The following RGS7 variants were observed in gnomAD, a reference collection of about 807,000 sequenced individuals.
RGS7 encodes regulator of G protein signaling 7.
In RGS7, 27 loss-of-function variants were observed where a neutral mutation model predicts 81.1. That is an observed-to-expected ratio of 0.33 (90% CI 0.25 to 0.46). The LOEUF is 0.46. Ranked by LOEUF, RGS7 falls within the 20% of genes least tolerant of loss-of-function variation. The pLI is 1.00. For missense variants in RGS7, 396 were observed against 607.4 expected, an observed-to-expected ratio of 0.65 and a Z score of 3.66; for synonymous variants, 208 against 207.7, an observed-to-expected ratio of 1.00 and a Z score of -0.01.
At chr1:241,273,807 G>A (rs1216028911) in intron 2 of RGS7, among the ~76,000 whole-genome samples, 1 of 152,142 alleles carries the variant, frequency 6.6e-6, no homozygotes, top group Non-Finnish European at 1.5e-5. Flanking sequence ...TCATATCTCA[G>A]GGTAAATTAG....
chr1:241,180,938 T>C (rs1278922124), intron 2 of RGS7, among the ~76,000 whole-genome samples: 1 of 152,220 alleles, frequency 6.6e-6, no homozygotes, highest in South Asian at 2.1e-4. Context: ...TGTTAGTAAG[T>C]GAAGGAAGCC....
Position 241,207,851 on chromosome 1 carries a change from C to T in RGS7, c.79-109089G>A, listed in dbSNP as rs548444377. ...TGGCTCAATGCTCAAGATTAAAATG[C>T]AGGCTGACACTTTCTGCTTTACTTG... On this transcript the variant is annotated intron_variant, in intron 2 of 18. Transcript: ENST00000440928. Among the ~76,000 whole-genome samples, 39 of 152,244 alleles carry T rather than the reference C, an allele frequency of 2.6e-4. No homozygotes were observed. In the East Asian group the frequency reaches 7.5e-3, roughly 29 times the overall value.
At chr1:241,042,234 C>A (rs143215339) in intron 3 of RGS7, among the ~76,000 whole-genome samples, 1 of 152,070 alleles carries the variant, frequency 6.6e-6, no homozygotes, top group Non-Finnish European at 1.5e-5. Flanking sequence ...ATATTTCATG[C>A]ATGCTGTAGA....
chr1:240,804,938 C>A (rs1040436415), intron 15 of RGS7, among the ~76,000 whole-genome samples: 1 of 152,116 alleles, frequency 6.6e-6, no homozygotes, highest in African/African-American at 2.4e-5. Flanking sequence ...GAAGGATATT[C>A]GTGTATCTCA....
chr1:240,782,233 T>A (rs1684245361), intron 18 of RGS7, among the ~76,000 whole-genome samples: 1 of 152,144 alleles, frequency 6.6e-6, no homozygotes, highest in African/African-American at 2.4e-5. Flanking sequence ...ACTCCTCCAC[T>A]GCAATGTATT....
intron 3 of RGS7, among the ~76,000 whole-genome samples, chr1:240,983,481 G>A (rs1685224239): frequency 6.6e-6 from 1 of 152,156 alleles, no homozygotes; most frequent in Admixed American, 6.5e-5. Context: ...TATTTTATAA[G>A]GTAGTTCCTG....
intron 2 of RGS7, among the ~76,000 whole-genome samples, chr1:241,286,232 A>T (rs924772762): frequency 9.9e-5 from 15 of 152,198 alleles, no homozygotes; most frequent in African/African-American, 3.6e-4. Context: ...TGAGATGGAA[A>T]GAGCCTTTAG....
At chr1:241,063,936 C>T (rs2148842540) in intron 3 of RGS7, among the ~76,000 whole-genome samples, 1 of 152,274 alleles carries the variant, frequency 6.6e-6, no homozygotes, top group Non-Finnish European at 1.5e-5. Context: ...GTAATCCCAG[C>T]ACTTTGGGAG....
intron 3 of RGS7, among the ~76,000 whole-genome samples, chr1:241,020,726 G>A (rs2059494651): frequency 6.6e-6 from 1 of 152,142 alleles, no homozygotes; most frequent in African/African-American, 2.4e-5. Context: ...TAATCTTAAA[G>A]TTCCATATAA....
intron 15 of RGS7, 114 bp downstream of exon 15, chr1:240,806,026 T>C (rs1426170501): frequency 1.1e-6 from 1 of 918,192 alleles, no homozygotes; most frequent in Non-Finnish European, 1.8e-6. Context: ...TTTACAGTTA[T>C]CTAAATTGAA....
At chr1:241,218,719 A>T (rs2074718648) in intron 2 of RGS7, among the ~76,000 whole-genome samples, 1 of 152,094 alleles carries the variant, frequency 6.6e-6, no homozygotes, top group South Asian at 2.1e-4. Flanking sequence ...ATCTCGGCTC[A>T]CCGCAACCTC....
At chr1:240,892,361 C>A (rs1452739718) in intron 6 of RGS7, among the ~76,000 whole-genome samples, 1 of 152,028 alleles carries the variant, frequency 6.6e-6, no homozygotes, top group African/African-American at 2.4e-5. Context: ...AGAACAAGGG[C>A]TATTTTTTTG....
chr1:240,884,105 G>T (rs1362783887), intron 6 of RGS7, among the ~76,000 whole-genome samples: 1 of 121,300 alleles, frequency 8.2e-6, no homozygotes, highest in Non-Finnish European at 1.8e-5. Flanking sequence ...AAAAAAAAAA[G>T]GCCCCAAGAG....
rs187482529 is a variant in RGS7 at position 240,822,844 on chromosome 1, G to A, written c.684+4254C>T. On this transcript the variant is annotated intron_variant, in intron 10 of 18. Coordinates refer to ENST00000440928, the MANE Select transcript of RGS7 (RefSeq NM_001364886.1). ...TGAAGCATGATATGGTAACTACACTGTACTGTTTAATTTTCAGCTGTAGGA... is the reference window on the plus strand; with the variant it reads ...TGAAGCATGATATGGTAACTACACTATACTGTTTAATTTTCAGCTGTAGGA... Among the ~76,000 whole-genome samples, 632 of 152,254 alleles carry A rather than the reference G, an allele frequency of 4.2e-3. 4 individuals are homozygous for A. The highest frequency in any genetic ancestry group is 6.8e-3 in the Middle Eastern group (2 of 294).
intron 3 of RGS7, among the ~76,000 whole-genome samples, chr1:241,008,967 C>T (rs892367497): frequency 6.9e-6 from 1 of 144,098 alleles, no homozygotes; most frequent in African/African-American, 2.6e-5. Context: ...AGTCATAAGA[C>T]AGACAGCTAT....
intron 2 of RGS7, among the ~76,000 whole-genome samples, chr1:241,104,998 T>G (rs753092279): frequency 1.3e-5 from 2 of 152,248 alleles, no homozygotes; most frequent in Non-Finnish European, 2.9e-5. Flanking sequence ...CTTGAGATGT[T>G]TGATATGTTT....
intron 2 of RGS7, among the ~76,000 whole-genome samples, chr1:241,336,043 A>AT (rs2082228709): frequency 1.3e-5 from 2 of 152,040 alleles, no homozygotes; most frequent in African/African-American, 2.4e-5. Flanking sequence ...AGCATCCAAC[A>AT]TTTTTTATGA....
chr1:241,099,825 C>A (rs2064584882), intron 2 of RGS7, among the ~76,000 whole-genome samples: 1 of 152,062 alleles, frequency 6.6e-6, no homozygotes, highest in Admixed American at 6.6e-5. Flanking sequence ...CAGTTCCTAC[C>A]CTCAAAAAAT....
intron 4 of RGS7, among the ~76,000 whole-genome samples, chr1:240,943,527 G>T (rs1244118277): frequency 1.3e-5 from 2 of 152,182 alleles, no homozygotes; most frequent in Non-Finnish European, 2.9e-5. Context: ...AAGGGGCGAT[G>T]GGAAACATTA....
Sources: gnomAD v4.1 joint callset for allele counts (sites outside exome capture counted in the v4.1 genomes callset) on GRCh38, gnomAD v4.1.1 for gene constraint, MANE v1.5 for transcripts, NCBI Gene and HGNC (gene_info 2026-07-23, HGNC 2026-07-21) for gene names.